The following STARD13 variants were observed in gnomAD, a reference collection of about 807,000 sequenced individuals.
STARD13 encodes the protein StAR related lipid transfer domain containing 13.
STARD13 carries 62 observed loss-of-function variants against 106.4 expected under a neutral mutation model. The ratio of observed to expected loss-of-function variants is 0.58; its 90% confidence interval spans 0.48 to 0.72. STARD13 has a LOEUF of 0.72. STARD13 is among the 30% of genes least tolerant of loss of function. STARD13 has a pLI of 0.00. For missense variants in STARD13, 1,387 were observed against 1,424.0 expected, an observed-to-expected ratio of 0.97 and a Z score of 0.42; for synonymous variants, 565 against 553.0, an observed-to-expected ratio of 1.02 and a Z score of -0.31.
At chr13:33,371,557 C>T in the STARD13 span, among the ~76,000 whole-genome samples, 21 of 152,302 alleles carry the variant, frequency 1.4e-4, no homozygotes, top group African/African-American at 4.1e-4. Context: ...GAAAAGGACT[C>T]ACTGAAGGAA....
the STARD13 span, among the ~76,000 whole-genome samples, chr13:33,636,029 C>T: frequency 4.0e-5 from 6 of 151,352 alleles, 1 homozygote; most frequent in South Asian, 4.2e-4. Context: ...GTAATCCCAG[C>T]TACTCGGGAG....
chr13:33,214,207 T>G (rs1362760231), intron 1 of STARD13, among the ~76,000 whole-genome samples: 1 of 152,232 alleles, frequency 6.6e-6, no homozygotes, highest in Non-Finnish European at 1.5e-5. Context: ...ATCATCTCTT[T>G]AAACCTCACA....
intron 1 of STARD13, among the ~76,000 whole-genome samples, chr13:33,266,581 C>A (rs1594189562): frequency 6.6e-6 from 1 of 152,184 alleles, no homozygotes. Context: ...TTGCTCAAGT[C>A]ATACTTTTCC....
the STARD13 span, among the ~76,000 whole-genome samples, chr13:33,551,568 CCTTTTTTTTTTTTTTTTTT>C: frequency 1.3e-3 from 59 of 44,794 alleles, 8 homozygotes; most frequent in South Asian, 4.9e-3. Flanking sequence ...TTTGCTTTTC[CCTTTTTTTTTTTTTTTTTT>C]TTTTTTTTTT....
chr13:33,255,484 C>T (rs1011560046), intron 1 of STARD13, among the ~76,000 whole-genome samples: 4 of 152,026 alleles, frequency 2.6e-5, no homozygotes, highest in Non-Finnish European at 5.9e-5. Flanking sequence ...TACCCCTGTC[C>T]ACCCTCTCCC....
the STARD13 span, among the ~76,000 whole-genome samples, chr13:33,388,727 C>G: frequency 1.3e-5 from 2 of 152,174 alleles, no homozygotes; most frequent in East Asian, 3.9e-4. Flanking sequence ...GGTTCTCTGT[C>G]TAGCAGCCTG....
chr13:33,196,711 G>A (rs922899659), intron 1 of STARD13, among the ~76,000 whole-genome samples: 5 of 152,122 alleles, frequency 3.3e-5, no homozygotes, highest in African/African-American at 1.2e-4. Context: ...TCTTGCAGAG[G>A]AACCACAAAG....
At chr13:33,138,893 G>A in intron 4 of STARD13, 1 of 470,712 alleles carries the variant, frequency 2.1e-6, no homozygotes, top group Non-Finnish European at 4.3e-6. Flanking sequence ...TGTATTGTGG[G>A]AGGGTAGCGG....
chr13:33,175,197 C>T (rs779771603), intron 1 of STARD13, among the ~76,000 whole-genome samples: 1 of 152,104 alleles, frequency 6.6e-6, no homozygotes, highest in South Asian at 2.1e-4. Context: ...CTTTATTCTC[C>T]TCTTTCATTT....
At chr13:33,166,955 C>T (rs1461215241) in intron 2 of STARD13, among the ~76,000 whole-genome samples, 1 of 149,562 alleles carries the variant, frequency 6.7e-6, no homozygotes, top group Non-Finnish European at 1.5e-5. Context: ...GATTGTACCA[C>T]TGCACTCCAG....
At chr13:33,622,710 A>G in the STARD13 span, among the ~76,000 whole-genome samples, 3 of 148,260 alleles carry the variant, frequency 2.0e-5, no homozygotes, top group Admixed American at 6.7e-5. Context: ...TCACGAGGTC[A>G]GGAGATCGAG....
At chr13:33,548,267 A>G in the STARD13 span, among the ~76,000 whole-genome samples, 2 of 152,346 alleles carry the variant, frequency 1.3e-5, no homozygotes, top group South Asian at 2.1e-4. Context: ...ACAAGAGGAC[A>G]TGGATGACTG....
the STARD13 span, among the ~76,000 whole-genome samples, chr13:33,561,904 T>C: frequency 1.4e-5 from 2 of 146,822 alleles, no homozygotes; most frequent in Non-Finnish European, 3.0e-5. Flanking sequence ...AAGTAAAAAG[T>C]AACACATTTT....
chr13:33,276,446 A>T (rs7330547), intron 1 of STARD13, among the ~76,000 whole-genome samples: 1 of 151,956 alleles, frequency 6.6e-6, no homozygotes, highest in African/African-American at 2.4e-5. Context: ...AATATCATTA[A>T]CGCAGGATTT....
At chr13:33,157,234 C>T (rs977804219) in intron 3 of STARD13, among the ~76,000 whole-genome samples, 2 of 152,044 alleles carry the variant, frequency 1.3e-5, no homozygotes, top group Non-Finnish European at 2.9e-5. Context: ...GGCAATGATA[C>T]GTATACTGTA....
At chr13:33,241,852 C>T (rs1037272099) in intron 1 of STARD13, among the ~76,000 whole-genome samples, 2 of 152,290 alleles carry the variant, frequency 1.3e-5, no homozygotes, top group South Asian at 4.1e-4. Flanking sequence ...CTCAATGTTG[C>T]CCAGGCTGGA....
chr13:33,349,190 G>A (rs1260853213), exon 2 of STARD13: 1 of 702,338 alleles, frequency 1.4e-6, no homozygotes, highest in Non-Finnish European at 2.6e-6. Flanking sequence ...CCCATGTGGT[G>A]GTCACTGCCC....
At chr13:33,253,830 C>A (rs761865801) in intron 1 of STARD13, among the ~76,000 whole-genome samples, 5 of 152,072 alleles carry the variant, frequency 3.3e-5, no homozygotes, top group Non-Finnish European at 7.4e-5. Context: ...CTAGACTGAA[C>A]GGGATAAAAA....
chr13:33,372,950 G>A, the STARD13 span, among the ~76,000 whole-genome samples: 14 of 151,904 alleles, frequency 9.2e-5, no homozygotes, highest in African/African-American at 3.4e-4. Flanking sequence ...GACCAACAGG[G>A]GTCATGCTTC....
Sources: allele counts gnomAD v4.1 joint callset (sites outside exome capture counted in the v4.1 genomes callset), GRCh38; gene constraint gnomAD v4.1.1; transcripts MANE v1.5; gene names NCBI Gene and HGNC (gene_info 2026-07-23, HGNC 2026-07-21).